MED13: variants seen among roughly 807,000 people sequenced by gnomAD.
MED13 encodes the protein mediator complex subunit 13.
Under a neutral mutation model 225.2 loss-of-function variants are expected in MED13, and 23 were observed. The ratio of observed to expected loss-of-function variants is 0.10; its 90% CI spans 0.07 to 0.14. The LOEUF is 0.14. MED13 is among the 10% of genes least tolerant of loss of function. The pLI is 1.00. For synonymous variants in MED13, 942 were observed against 889.2 expected (o/e 1.06, Z -1.06); for missense variants, 2,197 against 2,594.5 (o/e 0.85, Z 3.33).
chr17:61,965,233 T>C lies in MED13; in HGVS notation c.4617A>G (p.Ser1539=), dbSNP rs1158372715. The change falls in exon 20 of 30, where the codon TCA becomes TCG. Residue 1539 remains serine (S), a synonymous_variant. Transcript: ENST00000397786. ...TATTCAAGTTGGAGGATGATGAAGA[T>C]GAAGTTGAAGCTGTGGTCAAAGTTG... The part of the protein sequence containing the change: ...ANSTLTTAST[S]SSSSSNLNSG... The C allele has an allele frequency of 6.2e-7, 1 of 1,614,042 alleles. No homozygotes were observed. Among genetic ancestry groups the C allele is most frequent in the African/African-American group, 1.3e-5 (1 of 74,942 alleles).
chr17:61,959,855 A>C (rs2079983065), intron 23 of MED13, among the ~76,000 whole-genome samples: 1 of 151,260 alleles, frequency 6.6e-6, no homozygotes, highest in South Asian at 2.1e-4. Context: ...CAGTCTCCCG[A>C]GTAGCTGTGA....
chr17:61,966,855 T>C (rs2080063558), intron 18 of MED13, among the ~76,000 whole-genome samples: 1 of 152,166 alleles, frequency 6.6e-6, no homozygotes, highest in African/African-American at 2.4e-5. Flanking sequence ...GTCTTTTTCA[T>C]TTTTACATTA....
intron 2 of MED13, among the ~76,000 whole-genome samples, chr17:62,061,746 T>C (rs1356288483): frequency 6.6e-6 from 1 of 152,220 alleles, no homozygotes; most frequent in Non-Finnish European, 1.5e-5. Flanking sequence ...AACTACCATA[T>C]ATACATACAT....
At chr17:61,950,717 T>A in intron 28 of MED13, 108 bp downstream of exon 28, 2 of 1,142,732 alleles carry the variant, frequency 1.8e-6, no homozygotes, top group Middle Eastern at 2.1e-4. Context: ...TGGCAGTGCA[T>A]TTAAGAACTT....
chr17:61,992,835 C>G (rs1010036037), intron 10 of MED13, among the ~76,000 whole-genome samples: 2 of 122,302 alleles, frequency 1.6e-5, no homozygotes, highest in Admixed American at 9.3e-5. Flanking sequence ...GTGGCACGAT[C>G]TCGGCTCACT....
At chr17:62,035,297 T>C (rs752421181) in intron 4 of MED13, among the ~76,000 whole-genome samples, 166 bp downstream of exon 4, 16 of 152,180 alleles carry the variant, frequency 1.1e-4, no homozygotes, top group Admixed American at 4.6e-4. Context: ...AAAATTTATT[T>C]CACTGACTTA....
chr17:61,962,900 A>G lies in MED13; in HGVS notation c.4916T>C (p.Ile1639Thr). The change falls in exon 21 of 30, where the codon ATT becomes ACT. Residue 1639 changes from isoleucine to threonine, a missense_variant. Transcript: ENST00000397786. ...AAAAGGATCAATTATATAAACAACA[A>G]TTGCAGGTGGATACGTGACTGCATG... Reference protein sequence around the residue: ...DSHAVTYPPAIVVYIIDPFTY... With the variant: ...DSHAVTYPPATVVYIIDPFTY... The G allele has an allele frequency of 2.5e-6, 4 of 1,614,112 alleles. No individual in the cohort carries two copies. The highest frequency in any genetic ancestry group is 3.4e-6 in the Non-Finnish European group (4 of 1,180,030).
chr17:61,977,871 G>A (rs2080170579), intron 16 of MED13, among the ~76,000 whole-genome samples: 1 of 152,138 alleles, frequency 6.6e-6, no homozygotes, highest in Non-Finnish European at 1.5e-5. Context: ...GATTACAGAG[G>A]TGAGCCATGG....
At chr17:61,997,205 A>G (rs2080354321) in intron 9 of MED13, among the ~76,000 whole-genome samples, 1 of 152,164 alleles carries the variant, frequency 6.6e-6, no homozygotes, top group South Asian at 2.1e-4. Flanking sequence ...ACTCGGGGCA[A>G]AGTAGGCCAT....
At chr17:62,064,393 G>A (rs1243736861) in intron 1 of MED13, among the ~76,000 whole-genome samples, 4 of 152,088 alleles carry the variant, frequency 2.6e-5, no homozygotes, top group Non-Finnish European at 5.9e-5. Context: ...TCAAACAAGG[G>A]AGCAGCCTGC....
intron 12 of MED13, among the ~76,000 whole-genome samples, chr17:61,986,739 C>T (rs1212680591): frequency 1.3e-5 from 2 of 151,972 alleles, no homozygotes; most frequent in African/African-American, 2.4e-5. Flanking sequence ...ACAGAACATA[C>T]GGCAGAGCTC....
At chr17:62,061,074 T>C (rs1022740041) in intron 2 of MED13, among the ~76,000 whole-genome samples, 1 of 152,098 alleles carries the variant, frequency 6.6e-6, no homozygotes, top group Non-Finnish European at 1.5e-5. Context: ...TAGAGAAAAA[T>C]GTTTAAGACT....
At chr17:61,975,908 T>C (rs1204838026) in intron 16 of MED13, among the ~76,000 whole-genome samples, 1 of 151,498 alleles carries the variant, frequency 6.6e-6, no homozygotes, top group Admixed American at 6.6e-5. Context: ...CCCAGTTACT[T>C]GGGAGGCTGA....
chr17:62,004,583 AAGT>A (rs537889182), intron 9 of MED13: 85 of 152,338 alleles, frequency 5.6e-4, no homozygotes, highest in African/African-American at 2.0e-3. Flanking sequence ...ATCAGGAGAC[AAGT>A]AGGATACCAG....
intron 1 of MED13, among the ~76,000 whole-genome samples, chr17:62,064,719 A>G (rs1010201736): frequency 7.9e-5 from 12 of 152,208 alleles, no homozygotes; most frequent in African/African-American, 2.9e-4. Context: ...GGTCCTGTTT[A>G]CATGGGGAAA....
At chr17:61,969,412 A>G (rs1054395819) in intron 17 of MED13, among the ~76,000 whole-genome samples, 8 of 152,128 alleles carry the variant, frequency 5.3e-5, no homozygotes, top group Non-Finnish European at 1.0e-4. Context: ...GCTGTGGCTC[A>G]TGCCTGTAAT....
chr17:61,985,324 G>A (rs2143473449), intron 12 of MED13, among the ~76,000 whole-genome samples: 1 of 152,204 alleles, frequency 6.6e-6, no homozygotes, highest in Middle Eastern at 3.4e-3. Context: ...TTCCTCCAAA[G>A]AAAATGACCA....
intron 9 of MED13, among the ~76,000 whole-genome samples, chr17:62,008,015 T>TAAA (rs2080468431): frequency 2.3e-5 from 1 of 44,274 alleles, no homozygotes; most frequent in African/African-American, 1.5e-4. Flanking sequence ...CGAGACTGTC[T>TAAA]CAAAAAAAAA....
intron 17 of MED13, among the ~76,000 whole-genome samples, chr17:61,969,588 GTTCT>G (rs1030656106): frequency 3.3e-4 from 50 of 152,054 alleles, no homozygotes; most frequent in Admixed American, 1.3e-4. Flanking sequence ...CATGTTAAGT[GTTCT>G]TTCTTTTAGT....
Sources: allele counts gnomAD v4.1 joint callset (sites outside exome capture counted in the v4.1 genomes callset), GRCh38; gene constraint gnomAD v4.1.1; transcripts MANE v1.5; gene names NCBI Gene and HGNC (gene_info 2026-07-23, HGNC 2026-07-21).